The following MAP3K21 variants were observed in gnomAD, a reference collection of about 807,000 sequenced individuals.
MAP3K21 encodes mitogen-activated protein kinase kinase kinase MLK4.
Under a neutral mutation model 86.1 loss-of-function variants are expected in MAP3K21, and 63 were observed. The ratio of observed to expected loss-of-function variants is 0.73; its 90% CI spans 0.60 to 0.90. The LOEUF is 0.90. Among genes scored for constraint, MAP3K21 ranks in the 40% least tolerant of loss-of-function variants. The probability of loss-of-function intolerance (pLI) is 0.00; values close to 1 mark genes in which losing one functional copy is unlikely to be tolerated. For missense variants in MAP3K21, 1,220 were observed against 1,367.7 expected (o/e 0.89, Z 1.70); for synonymous variants, 558 against 564.8 (o/e 0.99, Z 0.17).
intron 2 of MAP3K21, among the ~76,000 whole-genome samples, chr1:233,347,922 A>T (rs1663180940): frequency 6.6e-6 from 1 of 150,450 alleles, no homozygotes; most frequent in Non-Finnish European, 1.5e-5. Context: ...TAGATGTAAA[A>T]AAACAAAATA....
intron 2 of MAP3K21, among the ~76,000 whole-genome samples, chr1:233,351,579 T>A (rs1663253638): frequency 6.6e-6 from 1 of 151,642 alleles, no homozygotes; most frequent in South Asian, 2.1e-4. Context: ...TAGTCCCAGC[T>A]ACTACTCAGG....
In MAP3K21 at chr1:233,379,303, G is replaced by A. The variant is rs200336839; in HGVS notation, c.2297G>A (p.Arg766Gln). Residue 766 changes from arginine (R) to glutamine (Q), a missense_variant, in exon 9 of 10, where the codon CGG becomes CAG. Physicochemically the swap from Arg to Gln is conservative, Grantham distance 43 (BLOSUM62 1). Transcript: ENST00000366624. ...EKKKREGIFQ[R>Q]ASKSRRSASP... ...AAGAAACGAGAGGGAATCTTCCAGC[G>A]GGCTTCCAAGTCCCGCAGAAGCGCC... The A allele has an allele frequency of 4.0e-4, 649 of 1,614,196 alleles. 11 individuals carry two copies. The South Asian group carries it at 4.4e-3, about 11-fold the overall frequency.
intron 1 of MAP3K21, among the ~76,000 whole-genome samples, chr1:233,336,015 A>G (rs892784567): frequency 1.3e-5 from 2 of 152,186 alleles, no homozygotes; most frequent in African/African-American, 4.8e-5. Context: ...GAGAACCTCT[A>G]GGCTAAATGA....
intron 1 of MAP3K21, among the ~76,000 whole-genome samples, chr1:233,334,979 A>C (rs1445420336): frequency 9.3e-6 from 1 of 107,140 alleles, no homozygotes; most frequent in Non-Finnish European, 2.0e-5. Flanking sequence ...TTTTTTTATT[A>C]TACTTTAAGT....
At chr1:233,365,788 A>C (rs911863873) in intron 5 of MAP3K21, among the ~76,000 whole-genome samples, 1 of 151,816 alleles carries the variant, frequency 6.6e-6, no homozygotes, top group Non-Finnish European at 1.5e-5. Context: ...AGGTCTCTCA[A>C]AAAAAAAACT....
chr1:233,328,646 A>G lies in MAP3K21; in HGVS notation c.618A>G (p.Gly206=). 1 of 1,417,918 alleles carries G rather than the reference A, an allele frequency of 7.1e-7. No individual in the cohort carries two copies. Among genetic ancestry groups the G allele is most frequent in the Non-Finnish European group, 9.2e-7 (1 of 1,086,160 alleles). The allele number at this position is 1,417,918 out of a possible 1,614,324, so 87.8% of individuals were successfully genotyped here. The change falls in exon 1 of 10, where the codon GGA becomes GGG. Residue 206 remains glycine (G), a synonymous_variant. Coordinates refer to ENST00000366624, the MANE Select transcript of MAP3K21 (RefSeq NM_032435.3). This position sits in a 1 kb window ranked among gnomAD's most constrained non-coding sequence, Gnocchi z 8.7. ...LCLVLEFARG[G]ALNRALAAAN... ...TGGTGCTGGAGTTCGCCCGCGGCGG[A>G]GCGCTCAACCGAGCGCTGGCCGCTG...
intron 1 of MAP3K21, among the ~76,000 whole-genome samples, chr1:233,341,606 G>A (rs1046663089): frequency 2.0e-5 from 3 of 152,148 alleles, no homozygotes; most frequent in East Asian, 1.9e-4. Flanking sequence ...GCTGCCATCC[G>A]TTTATTTGGG....
Position 233,375,914 on chromosome 1 carries a change from A to G in MAP3K21, c.1676-2A>G. ...TAATATGGTTAATAATGTTCTTTTT[A>G]GTGACTTCAGATGAAAGCAATAAAA... is the stretch of plus-strand genomic sequence containing the variant. On this transcript the variant is annotated splice_acceptor_variant, in intron 6 of 9. Coordinates refer to ENST00000366624, the MANE Select transcript of MAP3K21 (RefSeq NM_032435.3). LOFTEE classifies it high-confidence loss of function. 6.2e-7 allele frequency: 1 copy of G among 1,608,018 alleles called. No individual in the cohort carries two copies. The highest frequency in any genetic ancestry group is 8.5e-7 in the Non-Finnish European group (1 of 1,175,482).
chr1:233,328,504 A>C lies in MAP3K21; in HGVS notation c.476A>C (p.Gln159Pro). 1.3e-6 allele frequency: 2 copies of C among 1,524,134 alleles called. No individual in the cohort carries two copies. The highest frequency in any genetic ancestry group is 8.7e-7 in the Non-Finnish European group (1 of 1,146,086). 94.4% of individuals were successfully genotyped at this position (1,524,134 alleles called of 1,614,324 possible). The change falls in exon 1 of 10, where the codon CAG becomes CCG. Residue 159 changes from glutamine (Q) to proline (P), a missense_variant. Around this residue, in one of 5 missense-constraint regions of MAP3K21, gnomAD observed 369 missense variants for 385.3 expected, o/e 0.96. Transcript: ENST00000366624. The surrounding 1 kb of genome is among the most constrained non-coding windows in gnomAD (Gnocchi z 8.7). ...AVKAARQDPE[Q>P]DAAAAAESVR... ...AAGGCGGCGCGCCAGGACCCGGAGCAGGACGCGGCGGCGGCTGCCGAGAGC... is the reference window on the plus strand; with the variant it reads ...AAGGCGGCGCGCCAGGACCCGGAGCCGGACGCGGCGGCGGCTGCCGAGAGC...
intron 1 of MAP3K21, among the ~76,000 whole-genome samples, chr1:233,344,850 T>A (rs1323832009): frequency 2.6e-5 from 4 of 152,032 alleles, no homozygotes; most frequent in Non-Finnish European, 4.4e-5. Flanking sequence ...AGGGCTAATA[T>A]CCAGAGTCTA....
intron 5 of MAP3K21, among the ~76,000 whole-genome samples, chr1:233,366,704 C>T (rs764816054): frequency 1.7e-4 from 26 of 152,268 alleles, no homozygotes; most frequent in Middle Eastern, 6.8e-3. Context: ...AATATTTGTG[C>T]CTGCAGATCT....
chr1:233,337,662 A>G (rs1489782445), intron 1 of MAP3K21, among the ~76,000 whole-genome samples: 3 of 152,190 alleles, frequency 2.0e-5, no homozygotes, highest in East Asian at 1.9e-4. Context: ...ATGAGGAAAC[A>G]GTTCTGAGCC....
chr1:233,364,746 A>C (rs1663540851), intron 5 of MAP3K21, among the ~76,000 whole-genome samples: 1 of 152,150 alleles, frequency 6.6e-6, no homozygotes, highest in South Asian at 2.1e-4. Flanking sequence ...AATTTTAGTT[A>C]CACATTTATT....
intron 5 of MAP3K21, among the ~76,000 whole-genome samples, chr1:233,364,251 C>A (rs536379223): frequency 6.6e-6 from 1 of 152,040 alleles, no homozygotes; most frequent in South Asian, 2.1e-4. Context: ...GTCTGTCTTA[C>A]GTGTCAGTCA....
At chr1:233,360,614 T>C (rs1340860014) in intron 4 of MAP3K21, among the ~76,000 whole-genome samples, 2 of 152,232 alleles carry the variant, frequency 1.3e-5, no homozygotes, top group Non-Finnish European at 2.9e-5. Flanking sequence ...CTCTCCCTAG[T>C]CTCTTCGTGA....
At chr1:233,373,688 C>G (rs1663729835) in intron 6 of MAP3K21, 1 of 152,200 alleles carries the variant, frequency 6.6e-6, no homozygotes, top group Admixed American at 6.5e-5. Flanking sequence ...GTGCACACCC[C>G]CATTCAATTC....
intron 6 of MAP3K21, chr1:233,373,387 G>A (rs1015330605): frequency 4.6e-5 from 7 of 152,230 alleles, no homozygotes; most frequent in Non-Finnish European, 8.8e-5. Context: ...CAGAAGCCAG[G>A]AAGTGGTACT....
intron 8 of MAP3K21, among the ~76,000 whole-genome samples, chr1:233,377,024 G>A (rs1157410563): frequency 1.3e-5 from 2 of 152,122 alleles, no homozygotes; most frequent in African/African-American, 4.8e-5. Context: ...GCACCTGGGA[G>A]CCAGAGGTGG....
chr1:233,357,942 A>G (rs1663394707), intron 4 of MAP3K21, among the ~76,000 whole-genome samples: 1 of 152,190 alleles, frequency 6.6e-6, no homozygotes, highest in Non-Finnish European at 1.5e-5. Context: ...TCTCCAGGAC[A>G]AGACTGAATG....
Sources: allele counts gnomAD v4.1 joint callset (sites outside exome capture counted in the v4.1 genomes callset), GRCh38; gene constraint gnomAD v4.1.1; regional missense constraint gnomAD v4.1.1; non-coding constraint Gnocchi (gnomAD v3.1); transcripts MANE v1.5; gene names NCBI Gene and HGNC (gene_info 2026-07-23, HGNC 2026-07-21).